PKP4: variants seen among roughly 807,000 people sequenced by gnomAD.
PKP4 encodes the protein plakophilin 4.
A neutral mutation model predicts 145.1 loss-of-function variants in PKP4; 90 were observed. The observed-to-expected ratio is 0.62, with a 90% CI of 0.52 to 0.74. The LOEUF (loss-of-function observed/expected upper bound fraction) is 0.74, where lower values mean the gene tolerates loss of function less well. Ranked by LOEUF, PKP4 falls within the 30% of genes least tolerant of loss-of-function variation. The pLI is 0.00. For missense variants in PKP4, 1,340 were observed against 1,482.7 expected (o/e 0.90, Z 1.58); for synonymous variants, 563 against 577.2 (o/e 0.98, Z 0.35).
intron 1 of PKP4, among the ~76,000 whole-genome samples, chr2:158,528,793 C>G (rs2043229911): frequency 6.6e-6 from 1 of 151,852 alleles, no homozygotes; most frequent in African/African-American, 2.4e-5. Context: ...CATCTCTGAG[C>G]TTTGTATAGC....
At chr2:158,533,384 T>C in intron 2 of PKP4, 68 bp downstream of exon 2, 1 of 1,565,844 alleles carries the variant, frequency 6.4e-7, no homozygotes. Flanking sequence ...AATCTTTGGA[T>C]ATGTTTTAAA....
chr2:158,471,045 C>T (rs1030463401), intron 1 of PKP4, among the ~76,000 whole-genome samples: 1 of 152,126 alleles, frequency 6.6e-6, no homozygotes, highest in East Asian at 1.9e-4. Context: ...GCCCCTTCAC[C>T]CCAGCCACCA....
At chr2:158,468,489 T>A (rs565239623) in intron 1 of PKP4, among the ~76,000 whole-genome samples, 35 of 152,276 alleles carry the variant, frequency 2.3e-4, no homozygotes, top group African/African-American at 8.4e-4. Context: ...CACATTTAAT[T>A]TTCTATAACA....
intron 1 of PKP4, among the ~76,000 whole-genome samples, chr2:158,516,545 A>G (rs1414734645): frequency 3.3e-5 from 5 of 152,212 alleles, no homozygotes; most frequent in African/African-American, 1.2e-4. Flanking sequence ...CCCCGTGTAA[A>G]TCCCAAGACA....
Position 158,603,091 on chromosome 2 carries a change from T to C in PKP4, c.267T>C (p.Pro89=). 6.7e-7 allele frequency: 1 copy of C among 1,484,158 alleles called. No individual in the cohort carries two copies. Among genetic ancestry groups the C allele is most frequent in the Non-Finnish European group, 9.1e-7 (1 of 1,093,196 alleles). The allele number at this position is 1,484,158 out of a possible 1,614,324, so 91.9% of individuals were successfully genotyped here. ...ASTSSTEKSF[P]WRSTDVPNTG... is the part of the protein sequence containing the mutation. ...TTAGCTCAACTGAGAAGTCATTTCC[T>C]TGGAGATCAACAGGTATGTTTTTTA... The change falls in exon 4 of 22, where the codon CCT becomes CCC. Residue 89 remains proline (P), a synonymous_variant. Coordinates refer to ENST00000389759, the MANE Select transcript of PKP4 (RefSeq NM_003628.6).
intron 1 of PKP4, among the ~76,000 whole-genome samples, chr2:158,515,186 G>A (rs1366186441): frequency 3.3e-5 from 5 of 152,168 alleles, no homozygotes; most frequent in African/African-American, 1.2e-4. Flanking sequence ...GTACCAGAGT[G>A]TACAGTATAC....
At chr2:158,620,123 T>C (rs10180170) in intron 4 of PKP4, among the ~76,000 whole-genome samples, 77,910 of 151,894 alleles carry the variant, frequency 0.51, 20,304 homozygotes, top group South Asian at 0.68. Context: ...GTAGCATTTC[T>C]GAAAGAAAGT....
chr2:158,599,108 G>C (rs1444356305), intron 3 of PKP4, among the ~76,000 whole-genome samples: 1 of 152,220 alleles, frequency 6.6e-6, no homozygotes, highest in African/African-American at 2.4e-5. Context: ...GTATGGATCT[G>C]TTGTGCATTA....
chr2:158,575,663 G>C (rs1357586441), intron 2 of PKP4, among the ~76,000 whole-genome samples: 2 of 152,170 alleles, frequency 1.3e-5, no homozygotes, highest in African/African-American at 4.8e-5. Flanking sequence ...TATTGTGATG[G>C]CTTGGGGAAT....
At chr2:158,667,138 A>G (rs189802063) in intron 16 of PKP4, among the ~76,000 whole-genome samples, 226 of 152,286 alleles carry the variant, frequency 1.5e-3, no homozygotes, top group Non-Finnish European at 2.6e-3. Flanking sequence ...GGGTTGGCAC[A>G]TGCACAAACC....
chr2:158,669,581 A>G (rs1413658258), intron 16 of PKP4, 139 bp from the exon 17 acceptor site: 28 of 534,562 alleles, frequency 5.2e-5, no homozygotes, highest in Non-Finnish European at 8.4e-5. Flanking sequence ...CTTCTTTGCC[A>G]TGGGTTTTGA....
intron 1 of PKP4, among the ~76,000 whole-genome samples, chr2:158,529,850 A>G (rs1393827575): frequency 2.0e-5 from 3 of 152,102 alleles, no homozygotes; most frequent in Non-Finnish European, 4.4e-5. Context: ...TTTTAATTTT[A>G]TCTCCCTCTG....
intron 7 of PKP4, 96 bp downstream of exon 7, chr2:158,625,523 T>C (rs2052689389): frequency 9.7e-7 from 1 of 1,034,456 alleles, no homozygotes; most frequent in South Asian, 1.8e-5. Flanking sequence ...AAAAGGCTCA[T>C]TCGTGTTTTT....
intron 2 of PKP4, among the ~76,000 whole-genome samples, chr2:158,564,228 G>A (rs183180429): frequency 1.1e-3 from 161 of 152,146 alleles, no homozygotes; most frequent in Non-Finnish European, 5.7e-4. Context: ...TTGTGTCTGT[G>A]TTCAAACAAA....
intron 1 of PKP4, among the ~76,000 whole-genome samples, chr2:158,485,164 G>A (rs1468670532): frequency 6.6e-6 from 1 of 152,120 alleles, no homozygotes; most frequent in Non-Finnish European, 1.5e-5. Flanking sequence ...TGACAGCCTG[G>A]CCTGTATACA....
chr2:158,457,523 G>C (rs1688980503), intron 1 of PKP4: 1 of 152,380 alleles, frequency 6.6e-6, no homozygotes, highest in Non-Finnish European at 1.5e-5. Context: ...CCCACGCTGG[G>C]CTGTTCGGAT....
intron 2 of PKP4, among the ~76,000 whole-genome samples, chr2:158,562,723 A>G (rs1035072681): frequency 3.9e-5 from 6 of 152,260 alleles, no homozygotes; most frequent in Non-Finnish European, 8.8e-5. Context: ...ATTATGTATT[A>G]CAAAAGAATG....
At chr2:158,550,631 A>T (rs992008660) in intron 2 of PKP4, among the ~76,000 whole-genome samples, 2 of 152,190 alleles carry the variant, frequency 1.3e-5, no homozygotes, top group African/African-American at 4.8e-5. Flanking sequence ...GTCTGTTCTG[A>T]TAGACTGGTG....
chr2:158,662,798 C>A, intron 13 of PKP4, 99 bp from the exon 14 acceptor site: 2 of 855,444 alleles, frequency 2.3e-6, no homozygotes, highest in South Asian at 5.3e-5. Context: ...GTAGTTCTTT[C>A]ATATTTCCCA....
Sources: gnomAD v4.1 joint callset for allele counts (sites outside exome capture counted in the v4.1 genomes callset) on GRCh38, gnomAD v4.1.1 for gene constraint, MANE v1.5 for transcripts, NCBI Gene and HGNC (gene_info 2026-07-23, HGNC 2026-07-21) for gene names.